The following CNTN5 variants were observed in gnomAD, a reference collection of about 807,000 sequenced individuals.
The protein encoded by CNTN5 is contactin-5.
CNTN5 carries 77 observed loss-of-function variants against 129.1 expected under a neutral mutation model. That is an observed-to-expected ratio of 0.60 (90% confidence interval 0.50 to 0.72). CNTN5 has a LOEUF of 0.72. Ranked by LOEUF, CNTN5 falls within the 30% of genes least tolerant of loss-of-function variation. CNTN5 has a pLI of 0.00. For missense variants in CNTN5, 1,478 were observed against 1,328.8 expected, an observed-to-expected ratio of 1.11 and a Z score of -1.75; for synonymous variants, 509 against 465.6, an observed-to-expected ratio of 1.09 and a Z score of -1.20.
chr11:99,758,928 G>T (rs886146482), intron 3 of CNTN5, among the ~76,000 whole-genome samples: 8 of 152,162 alleles, frequency 5.3e-5, no homozygotes, highest in African/African-American at 1.4e-4. Flanking sequence ...TCAATATATG[G>T]TATTTTGTTC....
At position 100,174,225 on chromosome 11, in the gene CNTN5, G is replaced by A. The variant is rs147160970; in HGVS notation, c.1581-16901G>A. Among the ~76,000 whole-genome samples, 621 of 152,138 alleles carry A rather than the reference G, an allele frequency of 4.1e-3. 3 individuals carry two copies. The highest frequency in any genetic ancestry group is 0.014 in the African/African-American group (573 of 41,522). Reference sequence around the variant, plus strand: ...ACAAGGATATGGATATCAGAGATACGTAAAACGTGGAATAGATCCAACTTC... The same window carrying A: ...ACAAGGATATGGATATCAGAGATACATAAAACGTGGAATAGATCCAACTTC... On this transcript the variant is annotated intron_variant, in intron 13 of 24. Coordinates refer to ENST00000524871, the MANE Select transcript of CNTN5 (RefSeq NM_014361.4).
chr11:99,893,985 C>T (rs1254465582), intron 6 of CNTN5, among the ~76,000 whole-genome samples: 1 of 152,002 alleles, frequency 6.6e-6, no homozygotes, highest in Non-Finnish European at 1.5e-5. Flanking sequence ...GCTGTTGCCA[C>T]TGCCTTGCCA....
At chr11:99,710,577 GTGTGTGTGTGTGTGTGTGTGTGTGTA>G (rs1954940830) in intron 3 of CNTN5, among the ~76,000 whole-genome samples, 5 of 131,152 alleles carry the variant, frequency 3.8e-5, no homozygotes, top group South Asian at 4.5e-4. Context: ...ATGTGTGTGT[GTGTGTGTGTGTGTGTGTGTGTGTGTA>G]TGTATGTATG....
At chr11:100,129,218 G>A (rs551393510) in intron 13 of CNTN5, among the ~76,000 whole-genome samples, 3 of 151,720 alleles carry the variant, frequency 2.0e-5, no homozygotes, top group Non-Finnish European at 4.4e-5. Context: ...CATTTATATA[G>A]CGTGCGTTAT....
At chr11:99,696,112 G>A (rs79485790) in intron 3 of CNTN5, among the ~76,000 whole-genome samples, 3,809 of 152,050 alleles carry the variant, frequency 0.025, 148 homozygotes, top group African/African-American at 0.084. Context: ...ATGTATAAGG[G>A]TCTATAAAAG....
intron 2 of CNTN5, among the ~76,000 whole-genome samples, chr11:99,333,242 T>A (rs1866077227): frequency 6.6e-6 from 1 of 152,080 alleles, no homozygotes; most frequent in Non-Finnish European, 1.5e-5. Context: ...TCTTCTGATA[T>A]GTTGAAAATG....
Position 99,127,089 on chromosome 11 carries a change from G to A in CNTN5, c.-210+105819G>A, listed in dbSNP as rs539537780. ...ACCTCTACAGCTTCAGAACTCAATA[G>A]TTCATGGTCTGTTTCATATTTTTAT... On this transcript the variant is annotated intron_variant, in intron 1 of 24. Coordinates refer to ENST00000524871, the MANE Select transcript of CNTN5 (RefSeq NM_014361.4). Among the ~76,000 whole-genome samples, 59 of 152,074 alleles carry A rather than the reference G, an allele frequency of 3.9e-4. 1 individual carries two copies. The highest frequency in any genetic ancestry group is 1.3e-3 in the African/African-American group (54 of 41,484).
chr11:99,694,021 T>C (rs1465639920), intron 3 of CNTN5, among the ~76,000 whole-genome samples: 2 of 151,948 alleles, frequency 1.3e-5, no homozygotes, highest in East Asian at 1.9e-4. Context: ...ATAGAAGGAA[T>C]TGCATAAACA....
At chr11:99,504,996 C>A (rs1946565417) in intron 2 of CNTN5, among the ~76,000 whole-genome samples, 4 of 152,154 alleles carry the variant, frequency 2.6e-5, no homozygotes, top group African/African-American at 9.7e-5. Flanking sequence ...TTTGCAGCCA[C>A]TTAATAAATT....
chr11:99,094,486 G>C (rs1186683187), intron 1 of CNTN5, among the ~76,000 whole-genome samples: 1 of 151,932 alleles, frequency 6.6e-6, no homozygotes, highest in African/African-American at 2.4e-5. Context: ...ACCATTTTTA[G>C]GTAGAAACAA....
intron 2 of CNTN5, among the ~76,000 whole-genome samples, chr11:99,504,529 C>CAAAAA (rs754621021): frequency 2.2e-5 from 2 of 90,326 alleles, no homozygotes; most frequent in African/African-American, 8.2e-5. Flanking sequence ...GACTCCGTCT[C>CAAAAA]AAAAAAAAAA....
chr11:99,865,192 A>G (rs144400714), intron 6 of CNTN5, among the ~76,000 whole-genome samples: 280 of 152,290 alleles, frequency 1.8e-3, no homozygotes, highest in Non-Finnish European at 3.6e-3. Context: ...CTGTGCTTCA[A>G]TAGCATCATA....
intron 9 of CNTN5, among the ~76,000 whole-genome samples, chr11:100,042,846 A>G (rs1462266934): frequency 6.6e-6 from 1 of 152,214 alleles, no homozygotes; most frequent in Non-Finnish European, 1.5e-5. Context: ...GTATGATATT[A>G]GCTTTAAAAA....
chr11:100,140,220 T>C (rs1420860838), intron 13 of CNTN5, among the ~76,000 whole-genome samples: 2 of 152,224 alleles, frequency 1.3e-5, no homozygotes, highest in Non-Finnish European at 2.9e-5. Context: ...TTAGTGCTCA[T>C]GAATTTTAAA....
chr11:100,091,277 A>T (rs9734463), intron 13 of CNTN5, among the ~76,000 whole-genome samples: 50,360 of 151,180 alleles, frequency 0.33, 8,522 homozygotes, highest in South Asian at 0.45. Flanking sequence ...GTCTCAGGTC[A>T]AATGTTACCT....
In CNTN5 at chr11:99,903,956, A is replaced by G. The variant is rs545703838; in HGVS notation, c.578-12098A>G. On this transcript the variant is annotated intron_variant, in intron 6 of 24. Coordinates refer to ENST00000524871, the MANE Select transcript of CNTN5 (RefSeq NM_014361.4). ...TCAGGGAAATTCAAATCAGACCACA[A>G]TGAGACATCATGTCATCCCAGTTAG... Among the ~76,000 whole-genome samples the G allele has an allele frequency of 3.9e-5, 6 of 152,270 alleles. No homozygotes were observed. In the East Asian group the frequency reaches 5.8e-4, roughly 15 times the overall value.
chr11:99,300,913 CATT>C (rs979137078), intron 1 of CNTN5, among the ~76,000 whole-genome samples: 40 of 151,920 alleles, frequency 2.6e-4, no homozygotes, highest in African/African-American at 8.9e-4. Context: ...ATAATTGTAA[CATT>C]ATTGTGTAGA....
Position 99,934,569 on chromosome 11 carries a change from G to A in CNTN5, c.673+18420G>A, listed in dbSNP as rs536854633. 1.5e-4 allele frequency among the ~76,000 whole-genome samples: 23 copies of A among 151,990 alleles called. No individual in the cohort carries two copies. The South Asian group carries it at 4.0e-3, about 26-fold the overall frequency. ...AGAAGTAGAAAAAATAGTTTAATAC[G>A]TACAACGATTCTATAATGAAATTGA... On this transcript the variant is annotated intron_variant, in intron 7 of 24. Transcript: ENST00000524871.
intron 1 of CNTN5, among the ~76,000 whole-genome samples, chr11:99,295,438 T>C (rs2135931130): frequency 6.6e-6 from 1 of 152,382 alleles, no homozygotes; most frequent in East Asian, 1.9e-4. Context: ...TAGAATTTGC[T>C]GTAGAACCTA....
Sources: allele counts gnomAD v4.1 joint callset (sites outside exome capture counted in the v4.1 genomes callset), GRCh38; gene constraint gnomAD v4.1.1; transcripts MANE v1.5; gene names NCBI Gene and HGNC (gene_info 2026-07-23, HGNC 2026-07-21).